TESPA1: variants seen among roughly 807,000 people sequenced by gnomAD.
The protein encoded by TESPA1 is thymocyte expressed, positive selection associated 1, also known as protein TESPA1.
Under a neutral mutation model 57.9 loss-of-function variants are expected in TESPA1, and 33 were observed. That is an observed-to-expected ratio of 0.57 (90% CI 0.43 to 0.76). The LOEUF is 0.76. Ranked by LOEUF, TESPA1 falls within the 30% of genes least tolerant of loss-of-function variation. The pLI, the probability that TESPA1 is intolerant of heterozygous loss-of-function variation, is 0.00. For missense variants in TESPA1, 618 were observed against 632.9 expected (o/e 0.98, Z 0.25); for synonymous variants, 227 against 228.9 (o/e 0.99, Z 0.07).
intron 1 of TESPA1, among the ~76,000 whole-genome samples, chr12:54,983,292 C>T (rs1453003918): frequency 6.6e-6 from 1 of 152,070 alleles, no homozygotes; most frequent in Non-Finnish European, 1.5e-5. Flanking sequence ...GGGGTGCATG[C>T]GAATAACTCA....
chr12:54,980,000 G>T (rs1952255432), intron 1 of TESPA1, among the ~76,000 whole-genome samples: 1 of 152,104 alleles, frequency 6.6e-6, no homozygotes, highest in South Asian at 2.1e-4. Flanking sequence ...CCCTCACAGA[G>T]ATACGTTATT....
intron 10 of TESPA1, among the ~76,000 whole-genome samples, chr12:54,952,990 T>C (rs1950491090): frequency 1.3e-5 from 2 of 152,126 alleles, no homozygotes; most frequent in African/African-American, 2.4e-5. Context: ...TTTTACCTCC[T>C]GAATATCTCA....
chr12:54,973,800 G>T, intron 2 of TESPA1: 1 of 1,199,874 alleles, frequency 8.3e-7, no homozygotes, highest in South Asian at 3.5e-5. Flanking sequence ...TTTCCCACAA[G>T]GGTGGATCCT....
intron 7 of TESPA1, among the ~76,000 whole-genome samples, chr12:54,965,096 A>G (rs567584832): frequency 2.0e-5 from 3 of 152,206 alleles, no homozygotes; most frequent in Admixed American, 1.3e-4. Flanking sequence ...TCTTTTTCAA[A>G]GAGTTATTTG....
intron 10 of TESPA1, among the ~76,000 whole-genome samples, chr12:54,958,215 G>A (rs565543325): frequency 2.8e-4 from 42 of 152,262 alleles, no homozygotes; most frequent in African/African-American, 9.9e-4. Flanking sequence ...CTGCTTTGTG[G>A]AACATCTTGG....
In TESPA1 at chr12:54,966,130, C is replaced by T. The variant is rs746658527; in HGVS notation, c.369G>A (p.Arg123=). The change falls in exon 7 of 11, where the codon AGG becomes AGA. Residue 123 remains arginine, a synonymous_variant. Coordinates refer to ENST00000449076, the MANE Select transcript of TESPA1 (RefSeq NM_001136030.3). ...AGCCAAGATCAAGTAGCTGGCAAGG[C>T]CTGGCTGTCTCGAGGAAACTCCTGC... is the stretch of plus-strand genomic sequence containing the variant. ...LFSRSFLETA[R]PCQLLDLGCS... The T allele has an allele frequency of 1.2e-5, 19 of 1,572,090 alleles. No individual in the cohort carries two copies. The highest frequency in any genetic ancestry group is 1.6e-5 in the Non-Finnish European group (19 of 1,157,762).
intron 2 of TESPA1, chr12:54,973,848 T>C: frequency 1.8e-6 from 2 of 1,104,424 alleles, no homozygotes; most frequent in Non-Finnish European, 2.2e-6. Flanking sequence ...AAGACAATCT[T>C]GTTTTTGTGC....
intron 3 of TESPA1, among the ~76,000 whole-genome samples, chr12:54,969,195 A>G (rs1951667403): frequency 6.6e-6 from 1 of 151,454 alleles, no homozygotes; most frequent in Admixed American, 6.6e-5. Flanking sequence ...AATATGAAAT[A>G]ATAGGCAAGC....
intron 10 of TESPA1, among the ~76,000 whole-genome samples, chr12:54,951,849 G>GTT (rs199792981): frequency 6.6e-4 from 93 of 139,966 alleles, no homozygotes; most frequent in African/African-American, 2.3e-3. Flanking sequence ...TTTCTAAGTT[G>GTT]TTTTTTTTTT....
At chr12:54,955,903 T>A (rs1054625326) in intron 10 of TESPA1, among the ~76,000 whole-genome samples, 6 of 152,138 alleles carry the variant, frequency 3.9e-5, no homozygotes, top group African/African-American at 1.4e-4. Context: ...CCTTGTCTAA[T>A]CTCTTCTTAC....
At position 54,966,130 on chromosome 12, in the gene TESPA1, C is replaced by G. The variant is rs746658527; in HGVS notation, c.369G>C (p.Arg123Ser). Residue 123 changes from arginine to serine, a missense_variant, in exon 7 of 11, where the codon AGG becomes AGC. Around this residue, in one of 3 missense-constraint regions of TESPA1, gnomAD observed 199 missense variants for 184.0 expected, o/e 1.08. Coordinates refer to ENST00000449076, the MANE Select transcript of TESPA1 (RefSeq NM_001136030.3). ...LFSRSFLETA[R>S]PCQLLDLGCS... ...AGCCAAGATCAAGTAGCTGGCAAGG[C>G]CTGGCTGTCTCGAGGAAACTCCTGC... 4.5e-6 allele frequency: 7 copies of G among 1,572,092 alleles called. No homozygotes were observed. Among genetic ancestry groups the G allele is most frequent in the Non-Finnish European group, 6.0e-6 (7 of 1,157,762 alleles).
chr12:54,969,350 C>T (rs1287839550), intron 3 of TESPA1, among the ~76,000 whole-genome samples: 1 of 151,852 alleles, frequency 6.6e-6, no homozygotes, highest in Non-Finnish European at 1.5e-5. Context: ...CTAAAAACAG[C>T]ATGATAGCTA....
intron 10 of TESPA1, among the ~76,000 whole-genome samples, chr12:54,959,844 C>T (rs902284385): frequency 1.3e-5 from 2 of 152,132 alleles, no homozygotes; most frequent in East Asian, 1.9e-4. Flanking sequence ...TCTGAAACTT[C>T]TTGAAGTGCA....
chr12:54,955,690 T>C (rs1950688253), intron 10 of TESPA1, among the ~76,000 whole-genome samples: 1 of 152,262 alleles, frequency 6.6e-6, no homozygotes, highest in Admixed American at 6.5e-5. Flanking sequence ...GGATGTTCTG[T>C]AATACATATC....
rs147106532 is a variant in TESPA1 at position 54,977,647 on chromosome 12, T to C, written c.-45-3040A>G. Among the ~76,000 whole-genome samples the C allele has an allele frequency of 1.7e-3, 257 of 152,318 alleles. 1 individual carries two copies. The highest frequency in any genetic ancestry group is 5.9e-3 in the African/African-American group (245 of 41,568). ...TACAAATAAATGGCAATTGCAGGTA[T>C]GACAATAAAAAGACCAGACAGGTTA... is the stretch of plus-strand genomic sequence containing the variant. On this transcript the variant is annotated intron_variant, in intron 1 of 10. Coordinates refer to ENST00000449076, the MANE Select transcript of TESPA1 (RefSeq NM_001136030.3).
chr12:54,974,977 T>C (rs956688797), intron 1 of TESPA1, among the ~76,000 whole-genome samples: 2 of 152,230 alleles, frequency 1.3e-5, no homozygotes, highest in East Asian at 1.9e-4. Context: ...AATCTTCCAT[T>C]ATGACTAAAA....
chr12:54,961,091 T>TA, intron 10 of TESPA1, 77 bp downstream of exon 10: 29 of 1,501,178 alleles, frequency 1.9e-5, no homozygotes, highest in Non-Finnish European at 2.6e-5. Flanking sequence ...TATTATGGGT[T>TA]TAAAAAAAAA....
At chr12:54,968,579 G>C (rs190681976) in intron 3 of TESPA1, among the ~76,000 whole-genome samples, 1 of 152,276 alleles carries the variant, frequency 6.6e-6, no homozygotes, top group African/African-American at 2.4e-5. Context: ...GCTTTGAAAT[G>C]TGATCAGCAC....
At chr12:54,959,154 T>C (rs1228950544) in intron 10 of TESPA1, among the ~76,000 whole-genome samples, 2 of 152,172 alleles carry the variant, frequency 1.3e-5, no homozygotes, top group African/African-American at 4.8e-5. Flanking sequence ...TCCATGGTCT[T>C]ATGGTTAGGT....
Sources: allele counts gnomAD v4.1 joint callset (sites outside exome capture counted in the v4.1 genomes callset), GRCh38; gene constraint gnomAD v4.1.1; regional missense constraint gnomAD v4.1.1; transcripts MANE v1.5; gene names NCBI Gene and HGNC (gene_info 2026-07-23, HGNC 2026-07-21).